Variants in PSMA8 observed in about 807,000 individuals in gnomAD.
PSMA8 encodes proteasome subunit alpha-type 8.
PSMA8 carries 18 observed loss-of-function variants against 32.4 expected under a neutral mutation model. That is an observed-to-expected ratio of 0.56 (90% CI 0.38 to 0.82). The LOEUF (loss-of-function observed/expected upper bound fraction) is 0.82, where lower values mean the gene tolerates loss of function less well. Ranked by LOEUF, PSMA8 falls within the 40% of genes least tolerant of loss-of-function variation. The pLI, the probability that PSMA8 is intolerant of heterozygous loss-of-function variation, is 0.00. For synonymous variants in PSMA8, 104 were observed against 98.1 expected (o/e 1.06, Z -0.36); for missense variants, 298 against 300.7 (o/e 0.99, Z 0.07).
chr18:26,187,387 C>G (rs1289637202), intron 6 of PSMA8, among the ~76,000 whole-genome samples: 1 of 151,938 alleles, frequency 6.6e-6, no homozygotes, highest in Non-Finnish European at 1.5e-5. Flanking sequence ...ACCTGTAATA[C>G]CAGCATTTGG....
At chr18:26,167,580 C>T (rs1265949329) in intron 4 of PSMA8, among the ~76,000 whole-genome samples, 3 of 152,080 alleles carry the variant, frequency 2.0e-5, no homozygotes, top group African/African-American at 4.8e-5. Context: ...TAAATGAGGT[C>T]GTAAGGATAG....
intron 3 of PSMA8, 77 bp from the exon 4 acceptor site, chr18:26,158,045 G>A (rs2055104276): frequency 2.1e-6 from 2 of 939,544 alleles, no homozygotes; most frequent in Non-Finnish European, 3.2e-6. Context: ...GGATCATTTG[G>A]GCAGCAATGC....
At chr18:26,178,621 A>G (rs948318464) in intron 4 of PSMA8, among the ~76,000 whole-genome samples, 2 of 152,218 alleles carry the variant, frequency 1.3e-5, no homozygotes, top group African/African-American at 4.8e-5. Flanking sequence ...CAAAAAAAGG[A>G]AAATAAAAAC....
chr18:26,186,747 A>T (rs1351625767), intron 6 of PSMA8, among the ~76,000 whole-genome samples: 2 of 152,346 alleles, frequency 1.3e-5, no homozygotes, highest in African/African-American at 4.8e-5. Context: ...TTCTGGCATT[A>T]TGCTGGATTA....
chr18:26,156,704 A>T lies in PSMA8; in HGVS notation c.355-1418A>T, dbSNP rs1001189301. Among the ~76,000 whole-genome samples the T allele has an allele frequency of 2.0e-5, 3 of 148,178 alleles. No individual in the cohort carries two copies. In the East Asian group the frequency reaches 5.9e-4, roughly 29 times the overall value. ...TATATTTTATATATATTATATATAAAATATATATACAATATATATACAGTG... is the reference window on the plus strand; with the variant it reads ...TATATTTTATATATATTATATATAATATATATATACAATATATATACAGTG... On this transcript the variant is annotated intron_variant, in intron 3 of 6. Coordinates refer to ENST00000415576, the MANE Select transcript of PSMA8 (RefSeq NM_001025096.2).
Position 26,158,135 on chromosome 18 carries a change from G to T in PSMA8, c.368G>T (p.Ser123Ile). 1 of 1,589,730 alleles carries T rather than the reference G, an allele frequency of 6.3e-7. No individual in the cohort carries two copies. Among genetic ancestry groups the T allele is most frequent in the African/African-American group, 1.3e-5 (1 of 74,434 alleles). Residue 123 changes from serine to isoleucine, a missense_variant, in exon 4 of 7, where the codon AGC (serine) becomes ATC (isoleucine). Physicochemically the swap from Ser to Ile is moderately radical, Grantham distance 142 (BLOSUM62 -2). Transcript: ENST00000415576. ...IATLKQKYTQ[S>I]NGRRPFGISA... is the part of the protein sequence containing the mutation. ...TTATTTTTCTAGAAATATACCCAAA[G>T]CAATGGACGAAGACCTTTTGGTATT...
rs191820072 is a variant in PSMA8 at position 26,137,080 on chromosome 18, A to T, written c.102+3013A>T. Among the ~76,000 whole-genome samples the T allele has an allele frequency of 3.3e-5, 5 of 152,360 alleles. No individual in the cohort carries two copies. In the East Asian group the frequency reaches 9.6e-4, roughly 29 times the overall value. ...TGTATATTAATTAGCTTCCATTATC[A>T]TGAATGTAGAAATCAGATATGTATC... On this transcript the variant is annotated intron_variant, in intron 1 of 6. Transcript: ENST00000415576.
intron 4 of PSMA8, among the ~76,000 whole-genome samples, chr18:26,166,986 T>C (rs1470489078): frequency 6.6e-6 from 1 of 152,156 alleles, no homozygotes; most frequent in East Asian, 1.9e-4. Context: ...TAAACCAGTT[T>C]TCCAAATGAG....
chr18:26,151,029 T>C (rs897409071), intron 2 of PSMA8, among the ~76,000 whole-genome samples: 1 of 152,238 alleles, frequency 6.6e-6, no homozygotes, highest in African/African-American at 2.4e-5. Context: ...TAACTGAGTA[T>C]CTGATTACAA....
rs1310894669 is a variant in PSMA8 at position 26,173,630 on chromosome 18, CACTGCAACCT to C, written c.478-5199_478-5190del. ...GGAGTGCAATGGCACGATCTGGGCT[CACTGCAACCT>C]CCACCCCCCAGGTTCAAGCGATTCT... On this transcript the variant is annotated intron_variant, in intron 4 of 6. Transcript: ENST00000415576. Among the ~76,000 whole-genome samples, 3 of 151,288 alleles carry C rather than the reference CACTGCAACCT, an allele frequency of 2.0e-5. No individual in the cohort carries two copies. The East Asian group carries it at 5.8e-4, about 29-fold the overall frequency.
At chr18:26,161,245 A>T (rs113630026) in intron 4 of PSMA8, among the ~76,000 whole-genome samples, 5,980 of 152,272 alleles carry the variant, frequency 0.039, 398 homozygotes, top group African/African-American at 0.14. Context: ...AGAGACAAAG[A>T]TTTACAAGTG....
chr18:26,161,627 A>G (rs1369897394), intron 4 of PSMA8, among the ~76,000 whole-genome samples: 12 of 152,230 alleles, frequency 7.9e-5, no homozygotes, highest in African/African-American at 2.9e-4. Flanking sequence ...AGTCCTAGCT[A>G]CTTGAGAAGC....
chr18:26,133,879 G>A lies in PSMA8; in HGVS notation c.-87G>A. On this transcript the variant is annotated 5_prime_UTR_variant, in exon 1 of 7. Coordinates refer to ENST00000415576, the MANE Select transcript of PSMA8 (RefSeq NM_001025096.2). ...GGCGCGTGTGGAAGCGCTTCCGGGC[G>A]GTAGCACGCTGTGTTGGCGGCGGCT... The A allele has an allele frequency of 8.6e-7, 1 of 1,164,266 alleles. No individual in the cohort carries two copies. Among genetic ancestry groups the A allele is most frequent in the Admixed American group, 1.8e-5 (1 of 55,688 alleles). 72.1% of individuals were successfully genotyped at this position (1,164,266 alleles called of 1,614,324 possible). A position where few individuals can be genotyped will look rare whatever the true frequency, so the allele number is the denominator to read the frequency against.
rs371982790 is a variant in PSMA8 at position 26,191,850 on chromosome 18, A to AG, written c.661-469_661-468insG. Among the ~76,000 whole-genome samples the AG allele has an allele frequency of 3.1e-3, 466 of 152,306 alleles. 1 individual carries two copies. Among genetic ancestry groups the AG allele is most frequent in the African/African-American group, 0.01 (418 of 41,576 alleles). On this transcript the variant is annotated intron_variant, in intron 6 of 6. Transcript: ENST00000415576. ...AACTACACTGCAAATTCTTAGAAAA[A>AG]TAAAACCTTTTTTGCTTTCTACTTA...
At chr18:26,146,754 C>T (rs953055270) in intron 2 of PSMA8, among the ~76,000 whole-genome samples, 1 of 152,120 alleles carries the variant, frequency 6.6e-6, no homozygotes, top group Non-Finnish European at 1.5e-5. Context: ...CAGAGTGAGA[C>T]CCTATGTATC....
At chr18:26,171,808 A>C (rs1467499734) in intron 4 of PSMA8, among the ~76,000 whole-genome samples, 1 of 152,222 alleles carries the variant, frequency 6.6e-6, no homozygotes, top group Non-Finnish European at 1.5e-5. Flanking sequence ...TTACATACTA[A>C]TAAAATTAGC....
At chr18:26,134,711 T>G (rs2054897368) in intron 1 of PSMA8, among the ~76,000 whole-genome samples, 1 of 152,138 alleles carries the variant, frequency 6.6e-6, no homozygotes, top group Admixed American at 6.5e-5. Flanking sequence ...TCCCAGCACT[T>G]TGGAAGGCCC....
At chr18:26,176,012 G>C (rs1049255824) in intron 4 of PSMA8, among the ~76,000 whole-genome samples, 1 of 152,124 alleles carries the variant, frequency 6.6e-6, no homozygotes. Context: ...ATGGATATTA[G>C]GGTTGTCAGC....
At position 26,144,679 on chromosome 18, in the gene PSMA8, T is replaced by G. The variant is rs763080032; in HGVS notation, c.223T>G (p.Phe75Val). ...CALDDHVCMA[F>V]AGLTADARVV... ...CCTTGATGACCATGTCTGCATGGCTTTTGCAGGTACTTAAGGTCCTACAAT... is the reference window on the plus strand; with the variant it reads ...CCTTGATGACCATGTCTGCATGGCTGTTGCAGGTACTTAAGGTCCTACAAT... The change falls in exon 2 of 7, where the codon TTT (phenylalanine) becomes GTT (valine). Residue 75 changes from phenylalanine (F) to valine (V), a missense_variant. Phe to Val is a conservative substitution (Grantham distance 50). Coordinates refer to ENST00000415576, the MANE Select transcript of PSMA8 (RefSeq NM_001025096.2). 5.0e-6 allele frequency: 8 copies of G among 1,613,734 alleles called. No homozygotes were observed. The Admixed American group carries it at 1.0e-4, about 20-fold the overall frequency.
Sources: allele counts gnomAD v4.1 joint callset (sites outside exome capture counted in the v4.1 genomes callset), GRCh38; gene constraint gnomAD v4.1.1; transcripts MANE v1.5; gene names NCBI Gene and HGNC (gene_info 2026-07-23, HGNC 2026-07-21).